CHRNA4: variants seen among roughly 807,000 people sequenced by gnomAD.
CHRNA4 encodes cholinergic receptor nicotinic alpha 4 subunit.
In CHRNA4, 28 loss-of-function variants were observed where a neutral mutation model predicts 48.9. That is an observed-to-expected ratio of 0.57 (90% CI 0.42 to 0.79). CHRNA4 has a LOEUF of 0.79. CHRNA4 is among the 30% of genes least tolerant of loss of function. CHRNA4 has a pLI of 0.00. For missense variants in CHRNA4, 859 were observed against 898.4 expected (o/e 0.96, Z 0.56); for synonymous variants, 425 against 402.3 (o/e 1.06, Z -0.68).
rs753250918 is a variant in CHRNA4 at position 63,344,592 on chromosome 20, A to ACTC, written c.*2143_*2145dup. 1.3e-4 allele frequency: 57 copies of ACTC among 452,038 alleles called. No individual in the cohort carries two copies. The highest frequency in any genetic ancestry group is 8.9e-4 in the South Asian group (57 of 64,326). 28.0% of individuals were successfully genotyped at this position (452,038 alleles called of 1,614,324 possible). A position where few individuals can be genotyped will look rare whatever the true frequency, so the allele number is the denominator to read the frequency against. On this transcript the variant is annotated 3_prime_UTR_variant, in exon 6 of 6. Coordinates refer to ENST00000370263, the MANE Select transcript of CHRNA4 (RefSeq NM_000744.7). This position sits in a 1 kb window ranked among gnomAD's most constrained non-coding sequence, Gnocchi z 4.5. The stretch of plus-strand genomic sequence containing the variant: ...GGAGCGTCCCAGCCACTCCGCAGTC[A>ACTC]CTCCTGACCCAGAAAAGAACAACCA...
intron 2 of CHRNA4, 98 bp from the exon 3 acceptor site, chr20:63,356,513 A>G: frequency 7.7e-7 from 1 of 1,298,664 alleles, no homozygotes; most frequent in Middle Eastern, 1.8e-4. Flanking sequence ...GGACACGGCC[A>G]GGGCAAGATA....
chr20:63,347,083 G>T, intron 5 of CHRNA4: 1 of 661,264 alleles, frequency 1.5e-6, no homozygotes, highest in Non-Finnish European at 2.6e-6. Context: ...CCATGGTATG[G>T]GGCAGGAGGA....
At chr20:63,360,735 G>A (rs756926798) in intron 1 of CHRNA4, among the ~76,000 whole-genome samples, 1 of 152,236 alleles carries the variant, frequency 6.6e-6, no homozygotes, top group South Asian at 2.1e-4. Flanking sequence ...AGCAGGCATG[G>A]GGGTCTTCAG....
At chr20:63,355,659 C>T in intron 4 of CHRNA4, 2 of 1,148,460 alleles carry the variant, frequency 1.7e-6, no homozygotes, top group Non-Finnish European at 1.2e-6. Flanking sequence ...CAGGACTGGT[C>T]CAGGCAGGGA....
At position 63,346,718 on chromosome 20, in the gene CHRNA4, C is replaced by T. The variant is rs1257419892; in HGVS notation, c.*20G>A. On this transcript the variant is annotated 3_prime_UTR_variant, in exon 6 of 6. Coordinates refer to ENST00000370263, the MANE Select transcript of CHRNA4 (RefSeq NM_000744.7). ...CCCCGTGCACGGCAGCCCCAGGCCA[C>T]GCAGGCTCCCGGTCCCTTCCTAGAT... 4.4e-6 allele frequency: 7 copies of T among 1,599,518 alleles called. No homozygotes were observed. Among genetic ancestry groups the T allele is most frequent in the East Asian group, 2.2e-5 (1 of 44,494 alleles).
chr20:63,353,521 G>A (rs2068650155), intron 4 of CHRNA4, among the ~76,000 whole-genome samples: 1 of 118,826 alleles, frequency 8.4e-6, no homozygotes, highest in East Asian at 2.7e-4. Context: ...GGTCCTGGGG[G>A]GCTGTGGTCC....
chr20:63,347,176 C>G (rs572481245), intron 5 of CHRNA4, among the ~76,000 whole-genome samples: 1 of 152,216 alleles, frequency 6.6e-6, no homozygotes, highest in Non-Finnish European at 1.5e-5. Context: ...CCCCACTTCT[C>G]AGCAGGCGGC....
chr20:63,350,545 A>G lies in CHRNA4; in HGVS notation c.866T>C (p.Leu289Pro). 1.2e-6 allele frequency: 2 copies of G among 1,613,826 alleles called. No homozygotes were observed. Among genetic ancestry groups the G allele is most frequent in the Non-Finnish European group, 1.7e-6 (2 of 1,179,962 alleles). The change falls in exon 5 of 6, where the codon CTG (leucine) becomes CCG (proline). Residue 289 changes from leucine to proline, a missense_variant. Coordinates refer to ENST00000370263, the MANE Select transcript of CHRNA4 (RefSeq NM_000744.7). ...ISVLLSLTVF[L>P]LLITEIIPST... ...CGGGATGATCTCGGTGATGAGCAGC[A>G]GGAAGACGGTGAGCGACAGCAGCAC...
At chr20:63,347,441 G>A (rs539302377) in intron 5 of CHRNA4, among the ~76,000 whole-genome samples, 9 of 152,354 alleles carry the variant, frequency 5.9e-5, no homozygotes, top group Admixed American at 4.6e-4. Flanking sequence ...GGGCGGCTGC[G>A]GTTACATATC....
At chr20:63,354,146 C>G (rs1484605535) in intron 4 of CHRNA4, among the ~76,000 whole-genome samples, 1 of 72,110 alleles carries the variant, frequency 1.4e-5, no homozygotes, top group East Asian at 4.4e-4. Context: ...GTGGTCCTGG[C>G]AGGGAATGTG....
rs2145401975 is a variant in CHRNA4 at position 63,356,370 on chromosome 20, C to T, written c.273+1G>A. On this transcript the variant is annotated splice_donor_variant, in intron 3 of 5. Coordinates refer to ENST00000370263, the MANE Select transcript of CHRNA4 (RefSeq NM_000744.7). LOFTEE classifies it high-confidence loss of function. ...GGGCAGGGCAGTGCCCTCCCACTCACCTGCTTCACCCATACGTTCGTGGTC... is the reference window on the plus strand; with the variant it reads ...GGGCAGGGCAGTGCCCTCCCACTCATCTGCTTCACCCATACGTTCGTGGTC... The T allele has an allele frequency of 1.3e-6, 2 of 1,591,514 alleles. No homozygotes were observed. Among genetic ancestry groups the T allele is most frequent in the Non-Finnish European group, 8.6e-7 (1 of 1,169,498 alleles).
At position 63,349,742 on chromosome 20, in the gene CHRNA4, G is replaced by GCGA. The variant is rs1568807798; in HGVS notation, c.1668_1669insTCG (p.Pro556_His557insSer). The GCGA allele has an allele frequency of 6.2e-7, 1 of 1,612,414 alleles. No homozygotes were observed. Among genetic ancestry groups the GCGA allele is most frequent in the Non-Finnish European group, 8.5e-7 (1 of 1,179,626 alleles). On this transcript the variant is annotated inframe_insertion, in exon 5 of 6. Coordinates refer to ENST00000370263, the MANE Select transcript of CHRNA4 (RefSeq NM_000744.7). ...GTCAGGGCCGGCGACAGGGGCAGGTGCGGGGGCGGCGCTTTGGTGCTGCGG... is the reference window on the plus strand; with the variant it reads ...GTCAGGGCCGGCGACAGGGGCAGGTGCGACGGGGGCGGCGCTTTGGTGCTGCGG...
At chr20:63,360,318 T>C (rs1400854873) in intron 1 of CHRNA4, 1 of 161,392 alleles carries the variant, frequency 6.2e-6, no homozygotes, top group African/African-American at 2.4e-5. Context: ...CGAGGAGTGT[T>C]TCAGATGCAG....
In CHRNA4 at chr20:63,349,750, G is replaced by C; in HGVS notation, c.1661C>G (p.Pro554Arg). ...ATVKTRSTKA[P>R]PPHLPLSPAL... ...CGGCGACAGGGGCAGGTGCGGGGGC[G>C]GCGCTTTGGTGCTGCGGGTCTTGAC... The change falls in exon 5 of 6, where the codon CCG (proline) becomes CGG (arginine). Residue 554 changes from proline to arginine, a missense_variant. Pro to Arg is a moderately radical substitution (Grantham distance 103, BLOSUM62 -2). Transcript: ENST00000370263. 6.2e-7 allele frequency: 1 copy of C among 1,612,174 alleles called. No individual in the cohort carries two copies. The highest frequency in any genetic ancestry group is 8.5e-7 in the Non-Finnish European group (1 of 1,179,442).
At position 63,343,606 on chromosome 20, in the gene CHRNA4, G is replaced by A. The variant is rs200855349; in HGVS notation, c.*3132C>T. The A allele has an allele frequency of 1.5e-5, 7 of 454,020 alleles. No homozygotes were observed. Among genetic ancestry groups the A allele is most frequent in the African/African-American group, 1.4e-4 (7 of 50,116 alleles). 28.1% of individuals were successfully genotyped at this position (454,020 alleles called of 1,614,324 possible). ...ATTGAGAGATTACCACGCTTCCTGA[G>A]AGGAGGGCCACGTCGCCCCAGGCCG... On this transcript the variant is annotated 3_prime_UTR_variant, in exon 6 of 6. Coordinates refer to ENST00000370263, the MANE Select transcript of CHRNA4 (RefSeq NM_000744.7).
In CHRNA4 at chr20:63,349,907, CCTCGGGGGCGGCATCGT is replaced by C; in HGVS notation, c.1487_1503del (p.Asp496GlyfsTer18). On this transcript the variant is annotated frameshift_variant, in exon 5 of 6. Transcript: ENST00000370263. LOFTEE classifies it high-confidence loss of function. ...AGGGCGCCGGCAGCCTGGCCATCTG[CCTCGGGGGCGGCATCGT>C]CTCGGGGAACACAGTACTGGATGCT... 6.3e-7 allele frequency: 1 copy of C among 1,594,522 alleles called. No individual in the cohort carries two copies. Among genetic ancestry groups the C allele is most frequent in the Middle Eastern group, 1.7e-4 (1 of 5,896 alleles).
Position 63,346,482 on chromosome 20 carries a change from C to A in CHRNA4, c.*256G>T. ...TAGCCCGAGTCCTGCAGGTAGAAGGCGCCGACCCCCACCTCTGCTCCAAGC... is the reference window on the plus strand; with the variant it reads ...TAGCCCGAGTCCTGCAGGTAGAAGGAGCCGACCCCCACCTCTGCTCCAAGC... On this transcript the variant is annotated 3_prime_UTR_variant, in exon 6 of 6. Coordinates refer to ENST00000370263, the MANE Select transcript of CHRNA4 (RefSeq NM_000744.7). 1.5e-6 allele frequency: 1 copy of A among 653,514 alleles called. No homozygotes were observed. The highest frequency in any genetic ancestry group is 3.0e-5 in the East Asian group (1 of 33,140). The allele number at this position is 653,514 out of a possible 1,614,324, so 40.5% of individuals were successfully genotyped here. A position where few individuals can be genotyped will look rare whatever the true frequency, so the allele number is the denominator to read the frequency against.
chr20:63,349,902 A>T lies in CHRNA4; in HGVS notation c.1509T>A (p.Asp503Glu), dbSNP rs1316893164. ...AGGCCAGGGCGCCGGCAGCCTGGCC[A>T]TCTGCCTCGGGGGCGGCATCGTCTC... ...VPRDDAAPEA[D>E]GQAAGALASR... is the part of the protein sequence containing the mutation. The change falls in exon 5 of 6, where the codon GAT (aspartate) becomes GAA (glutamate). Residue 503 changes from aspartate (D) to glutamate (E), a missense_variant. This residue lies in a region of CHRNA4 where 478 missense variants were observed against 455.4 expected (regional missense o/e 1.05). Coordinates refer to ENST00000370263, the MANE Select transcript of CHRNA4 (RefSeq NM_000744.7). 6.3e-7 allele frequency: 1 copy of T among 1,594,724 alleles called. No individual in the cohort carries two copies. Among genetic ancestry groups the T allele is most frequent in the Non-Finnish European group, 8.6e-7 (1 of 1,169,212 alleles).
intron 5 of CHRNA4, among the ~76,000 whole-genome samples, chr20:63,347,679 T>C (rs1481736098): frequency 6.6e-6 from 1 of 152,168 alleles, no homozygotes; most frequent in East Asian, 1.9e-4. Context: ...GGCTCCCCCG[T>C]CCCGCGTCTC....
Sources: allele counts gnomAD v4.1 joint callset (sites outside exome capture counted in the v4.1 genomes callset), GRCh38; gene constraint gnomAD v4.1.1; regional missense constraint gnomAD v4.1.1; non-coding constraint Gnocchi (gnomAD v3.1); transcripts MANE v1.5; gene names NCBI Gene and HGNC (gene_info 2026-07-23, HGNC 2026-07-21).